Variants in CYSLTR1 observed in about 807,000 individuals in gnomAD.
CYSLTR1 encodes the protein cysteinyl leukotriene receptor 1.
Under a neutral mutation model 2.1 loss-of-function variants are expected in CYSLTR1, and 1 was observed. The observed-to-expected ratio is 0.48, with a 90% CI of 0.17 to 2.28. CYSLTR1 has a LOEUF of 2.28. CYSLTR1 is among the 30% of genes most tolerant of loss of function. The pLI is 0.26. For synonymous variants in CYSLTR1, 110 were observed against 89.6 expected (o/e 1.23, Z -1.28); for missense variants, 299 against 250.1 (o/e 1.20, Z -1.32).
chrX:78,317,120 C>G (rs779777984), intron 1 of CYSLTR1, among the ~76,000 whole-genome samples: 14 of 111,957 alleles, frequency 1.3e-4, no homozygotes, highest in South Asian at 7.4e-4. Context: ...TCTACAACAA[C>G]TCAAATAAAT....
chrX:78,298,014 T>C (rs1922649494), intron 1 of CYSLTR1, among the ~76,000 whole-genome samples: 1 of 111,563 alleles, frequency 9.0e-6, no homozygotes, highest in African/African-American at 3.3e-5. Flanking sequence ...TGCTGGCAGC[T>C]ATAAACCTCC....
At chrX:78,305,295 C>T (rs901806337) in intron 1 of CYSLTR1, among the ~76,000 whole-genome samples, 3 of 111,732 alleles carry the variant, frequency 2.7e-5, no homozygotes, top group African/African-American at 3.3e-5. Flanking sequence ...AAAACAATTG[C>T]TCTTTTTTGT....
At chrX:78,323,244 C>A (rs1923734634) in intron 1 of CYSLTR1, among the ~76,000 whole-genome samples, 1 of 111,825 alleles carries the variant, frequency 8.9e-6, no homozygotes, top group Non-Finnish European at 1.9e-5. Flanking sequence ...TACCTAATTA[C>A]CAGCAGCTTG....
chrX:78,272,334 G>A lies in CYSLTR1; in HGVS notation c.*399C>T, dbSNP rs370223165. 8.7e-6 allele frequency: 1 copy of A among 114,611 alleles called. No homozygotes were observed. Among genetic ancestry groups the A allele is most frequent in the African/African-American group, 3.2e-5 (1 of 30,930 alleles). 9.4% of individuals were successfully genotyped at this position (114,611 alleles called of 1,213,427 possible). On this transcript the variant is annotated 3_prime_UTR_variant, in exon 3 of 3. Transcript: ENST00000373304. ...ATGTTAGAATGATTCAGAACTATTTGCCAATTTTATATCTAGTTTTATATT... is the reference window on the plus strand; with the variant it reads ...ATGTTAGAATGATTCAGAACTATTTACCAATTTTATATCTAGTTTTATATT...
intron 2 of CYSLTR1, 140 bp from the exon 3 acceptor site, chrX:78,273,913 C>G (rs1334662580): frequency 9.7e-6 from 5 of 514,077 alleles, no homozygotes; most frequent in South Asian, 5.0e-5. Context: ...AGGAGGGATT[C>G]AGCTGTACCT....
At chrX:78,280,244 G>C (rs918680355) in intron 2 of CYSLTR1, among the ~76,000 whole-genome samples, 1 of 110,945 alleles carries the variant, frequency 9.0e-6, no homozygotes, top group Non-Finnish European at 1.9e-5. Context: ...GTGTAGTTGT[G>C]GAAGAAAAAA....
At chrX:78,280,776 T>C (rs1921807673) in intron 2 of CYSLTR1, among the ~76,000 whole-genome samples, 1 of 111,460 alleles carries the variant, frequency 9.0e-6, no homozygotes, top group Non-Finnish European at 1.9e-5. Context: ...TGTTGTTCTC[T>C]TCTTTGTGTC....
At chrX:78,320,745 A>G (rs1923617971) in intron 1 of CYSLTR1, 1 of 111,771 alleles carries the variant, frequency 8.9e-6, no homozygotes, top group African/African-American at 3.3e-5. Flanking sequence ...ACCCATGAGC[A>G]TGGAATGTTC....
chrX:78,278,397 G>C (rs756258900), intron 2 of CYSLTR1, among the ~76,000 whole-genome samples: 2 of 111,825 alleles, frequency 1.8e-5, no homozygotes, highest in South Asian at 7.4e-4. Flanking sequence ...AAATTCTTAG[G>C]AATACAGCTA....
chrX:78,289,918 G>T (rs768981854), intron 1 of CYSLTR1, among the ~76,000 whole-genome samples: 1 of 111,624 alleles, frequency 9.0e-6, no homozygotes, highest in Non-Finnish European at 1.9e-5. Context: ...TAGGTTGCCT[G>T]TTCACTCTGA....
At chrX:78,301,778 A>G (rs1443184214) in intron 1 of CYSLTR1, among the ~76,000 whole-genome samples, 1 of 111,782 alleles carries the variant, frequency 8.9e-6, no homozygotes, top group Non-Finnish European at 1.9e-5. Flanking sequence ...CTCTTCCAGT[A>G]CCAAGTTACT....
At chrX:78,290,548 G>A (rs7055967) in intron 1 of CYSLTR1, among the ~76,000 whole-genome samples, 1,559 of 111,674 alleles carry the variant, frequency 0.014, 24 homozygotes, top group African/African-American at 0.048. Context: ...ATCTCAGGCA[G>A]TATGGCCACT....
chrX:78,314,851 C>A (rs1214387373), intron 1 of CYSLTR1, among the ~76,000 whole-genome samples: 1 of 109,437 alleles, frequency 9.1e-6, no homozygotes, highest in Non-Finnish European at 1.9e-5. Flanking sequence ...GCTGCAAGGA[C>A]TGCAACTCCT....
At chrX:78,324,612 C>T (rs1398091382) in intron 1 of CYSLTR1, among the ~76,000 whole-genome samples, 2 of 111,734 alleles carry the variant, frequency 1.8e-5, no homozygotes, top group Non-Finnish European at 3.8e-5. Flanking sequence ...GTGATCTGCC[C>T]ACCTCGGCCT....
At chrX:78,273,795 G>A (rs979425254) in intron 2 of CYSLTR1, 22 bp from the exon 3 acceptor site, 1 of 1,117,156 alleles carries the variant, frequency 9.0e-7, no homozygotes, top group Non-Finnish European at 1.2e-6. Context: ...AAAAAAAATT[G>A]TCAATTTTAA....
At chrX:78,290,934 T>G (rs1172225349) in intron 1 of CYSLTR1, among the ~76,000 whole-genome samples, 1 of 111,927 alleles carries the variant, frequency 8.9e-6, no homozygotes, top group Non-Finnish European at 1.9e-5. Flanking sequence ...TTTTCCTAGT[T>G]GAATACCCTT....
At chrX:78,282,216 C>T (rs1409805711) in intron 2 of CYSLTR1, among the ~76,000 whole-genome samples, 1 of 111,932 alleles carries the variant, frequency 8.9e-6, no homozygotes, top group Non-Finnish European at 1.9e-5. Flanking sequence ...ACTTTCTTGA[C>T]TAAGTCTTCC....
intron 1 of CYSLTR1, among the ~76,000 whole-genome samples, chrX:78,302,219 C>A (rs1482864479): frequency 8.9e-6 from 1 of 112,330 alleles, no homozygotes; most frequent in Non-Finnish European, 1.9e-5. Flanking sequence ...GGTGTACTCC[C>A]AGACTACTGT....
chrX:78,293,580 C>T (rs1488309520), intron 1 of CYSLTR1, among the ~76,000 whole-genome samples: 2 of 112,048 alleles, frequency 1.8e-5, no homozygotes, highest in Non-Finnish European at 3.8e-5. Flanking sequence ...TGTTTTCCAA[C>T]TTGGTTCCAT....
Sources: gnomAD v4.1 joint callset for allele counts (sites outside exome capture counted in the v4.1 genomes callset) on GRCh38, gnomAD v4.1.1 for gene constraint, MANE v1.5 for transcripts, NCBI Gene and HGNC (gene_info 2026-07-23, HGNC 2026-07-21) for gene names.